Variants in SENP8 observed in about 807,000 individuals in gnomAD.
SENP8 encodes the protein SUMO peptidase family member, NEDD8 specific, also known as sentrin-specific protease 8.
SENP8 carries 10 observed loss-of-function variants against 14.4 expected under a neutral mutation model. The ratio of observed to expected loss-of-function variants is 0.69; its 90% confidence interval spans 0.43 to 1.18. SENP8 has a LOEUF of 1.18. Ranked by LOEUF, SENP8 falls within the 50% of genes most tolerant of loss-of-function variation. The pLI is 0.00. For synonymous variants in SENP8, 94 were observed against 95.5 expected (o/e 0.98, Z 0.09); for missense variants, 202 against 249.4 (o/e 0.81, Z 1.28).
At position 72,139,573 on chromosome 15, in the gene SENP8, C is replaced by T; in HGVS notation, c.-47-4C>T. 1.3e-6 allele frequency: 2 copies of T among 1,567,450 alleles called. No individual in the cohort carries two copies. The highest frequency in any genetic ancestry group is 1.7e-6 in the Non-Finnish European group (2 of 1,157,066). On this transcript the variant is annotated splice_region_variant and splice_polypyrimidine_tract_variant and intron_variant, in intron 1 of 1. Coordinates refer to ENST00000340912, the MANE Select transcript of SENP8 (RefSeq NM_145204.4). ...TATTTATTGACAATAATATTGTCTT[C>T]TAGCTCTTGTTCAGCTTCTGGAATT...
chr15:72,118,804 A>C (rs3809505), intron 1 of SENP8, among the ~76,000 whole-genome samples: 6,525 of 152,240 alleles, frequency 0.043, 254 homozygotes, highest in East Asian at 0.18. Flanking sequence ...TAGTACAATA[A>C]AGTGACAATA....
At chr15:72,135,304 C>T (rs559646896) in intron 1 of SENP8, 10 of 157,438 alleles carry the variant, frequency 6.4e-5, no homozygotes, top group Non-Finnish European at 1.3e-4. Context: ...TCAAGTGATC[C>T]GCCCACCTCA....
At chr15:72,134,247 A>G (rs2081305229) in intron 1 of SENP8, among the ~76,000 whole-genome samples, 1 of 152,148 alleles carries the variant, frequency 6.6e-6, no homozygotes, top group African/African-American at 2.4e-5. Context: ...TCTTTATTTT[A>G]TATTGACAAA....
chr15:72,143,478 T>A lies in SENP8; in HGVS notation c.*3216T>A, dbSNP rs2081392846. ...GGTGAATAGCAACAACTAACCTTTT[T>A]ATCACTCTGTAATGTGCAGGGTACT... On this transcript the variant is annotated 3_prime_UTR_variant, in exon 2 of 2. Transcript: ENST00000340912. 6.6e-6 allele frequency: 1 copy of A among 152,226 alleles called. No homozygotes were observed. The highest frequency in any genetic ancestry group is 2.4e-5 in the African/African-American group (1 of 41,460). The allele number at this position is 152,226 out of a possible 1,614,324, so 9.4% of individuals were successfully genotyped here.
At position 72,141,628 on chromosome 15, in the gene SENP8, G is replaced by C. The variant is rs189924657; in HGVS notation, c.*1366G>C. 2.6e-5 allele frequency: 4 copies of C among 152,114 alleles called. No individual in the cohort carries two copies. Among genetic ancestry groups the C allele is most frequent in the Admixed American group, 6.6e-5 (1 of 15,264 alleles). The allele number at this position is 152,114 out of a possible 1,614,324, so 9.4% of individuals were successfully genotyped here. ...GAAAGTAACTTGGTTCCTTTTAGCC[G>C]AGAAGGGAAAACACAGTAAGGGTAA... On this transcript the variant is annotated 3_prime_UTR_variant, in exon 2 of 2. Transcript: ENST00000340912.
chr15:72,139,690 C>T lies in SENP8; in HGVS notation c.67C>T (p.Pro23Ser), dbSNP rs369280193. 4.3e-6 allele frequency: 7 copies of T among 1,614,080 alleles called. No individual in the cohort carries two copies. The African/African-American group carries it at 9.3e-5, about 22-fold the overall frequency. The change falls in exon 2 of 2, where the codon CCG becomes TCG. Residue 23 changes from proline to serine, a missense_variant. Transcript: ENST00000340912. The stretch of plus-strand genomic sequence containing the variant: ...GCAATCAGATGTCTCACTATTGGAT[C>T]CGCCAAGCTGGCTCAATGACCATAT... Reference protein sequence around the residue: ...LRQSDVSLLDPPSWLNDHIIG... With the variant: ...LRQSDVSLLDSPSWLNDHIIG...
chr15:72,119,955 G>A (rs922004182), intron 1 of SENP8, among the ~76,000 whole-genome samples: 1 of 152,076 alleles, frequency 6.6e-6, no homozygotes, highest in Non-Finnish European at 1.5e-5. Flanking sequence ...GTTCCCTTCC[G>A]TCCAGGATTG....
rs138516875 is a variant in SENP8 at position 72,127,925 on chromosome 15, TA to T, written c.-48+9470del. On this transcript the variant is annotated intron_variant, in intron 1 of 1. Coordinates refer to ENST00000340912, the MANE Select transcript of SENP8 (RefSeq NM_145204.4). ...GCAACATAGTGAGACCCTGCCTCTATAAAAAAAAATATTAATTAGCCAGACA... is the reference window on the plus strand; with the variant it reads ...GCAACATAGTGAGACCCTGCCTCTATAAAAAAAATATTAATTAGCCAGACA... Among the ~76,000 whole-genome samples the T allele has an allele frequency of 3.3e-5, 5 of 149,636 alleles. 1 individual carries two copies. Among genetic ancestry groups the T allele is most frequent in the East Asian group, 3.9e-4 (2 of 5,130 alleles).
At chr15:72,116,372 T>C (rs1178018511), upstream of SENP8, among the ~76,000 whole-genome samples, 3 of 152,242 alleles carry the variant, frequency 2.0e-5, no homozygotes, top group Non-Finnish European at 4.4e-5. Flanking sequence ...GATCATTTGA[T>C]GCAACATTAC....
At chr15:72,131,582 CCTT>C (rs373959732) in intron 1 of SENP8, among the ~76,000 whole-genome samples, 45 of 152,134 alleles carry the variant, frequency 3.0e-4, no homozygotes, top group South Asian at 1.2e-3. Context: ...GAAGTAATCT[CCTT>C]CTATTAAAAT....
intron 1 of SENP8, among the ~76,000 whole-genome samples, chr15:72,132,730 A>G (rs935775870): frequency 9.6e-5 from 14 of 146,264 alleles, no homozygotes; most frequent in African/African-American, 3.1e-4. Flanking sequence ...GTCTCGGCTC[A>G]TTGCAACCTC....
intron 1 of SENP8, among the ~76,000 whole-genome samples, chr15:72,127,211 A>G (rs987470097): frequency 8.5e-5 from 13 of 152,144 alleles, no homozygotes; most frequent in Admixed American, 8.5e-4. Context: ...CTTGTTTTGG[A>G]GAGGGAAAGA....
rs1249286870 is a variant in SENP8, at chr15:72,142,527, C to T, written c.*2265C>T. On this transcript the variant is annotated 3_prime_UTR_variant, in exon 2 of 2. Coordinates refer to ENST00000340912, the MANE Select transcript of SENP8 (RefSeq NM_145204.4). Reference sequence around the variant, plus strand: ...GCAGGTTTTTCAAAACTGGGCTAAGCAATTATCAAACTGAACTAACCTGCT... The same window carrying T: ...GCAGGTTTTTCAAAACTGGGCTAAGTAATTATCAAACTGAACTAACCTGCT... The T allele has an allele frequency of 6.6e-6, 1 of 152,134 alleles. No homozygotes were observed. The highest frequency in any genetic ancestry group is 1.9e-4 in the East Asian group (1 of 5,202). The allele number at this position is 152,134 out of a possible 1,614,324, so 9.4% of individuals were successfully genotyped here. A position where few individuals can be genotyped will look rare whatever the true frequency, so the allele number is the denominator to read the frequency against.
chr15:72,128,507 C>T (rs184329825), intron 1 of SENP8, among the ~76,000 whole-genome samples: 1 of 152,356 alleles, frequency 6.6e-6, no homozygotes, highest in Admixed American at 6.5e-5. Context: ...TTGCCTGCCA[C>T]AGTTGCAAAA....
At chr15:72,132,531 T>G (rs1022611509) in intron 1 of SENP8, among the ~76,000 whole-genome samples, 6 of 152,160 alleles carry the variant, frequency 3.9e-5, no homozygotes, top group African/African-American at 1.4e-4. Flanking sequence ...CCTAAATGAT[T>G]ATAGATGGCT....
chr15:72,129,267 C>T (rs868011282), intron 1 of SENP8, among the ~76,000 whole-genome samples: 13 of 152,198 alleles, frequency 8.5e-5, no homozygotes, highest in South Asian at 4.1e-4. Context: ...AGGTAGCTCA[C>T]GCCTATCAAC....
At chr15:72,132,552 T>C (rs1465421555) in intron 1 of SENP8, among the ~76,000 whole-genome samples, 1 of 152,068 alleles carries the variant, frequency 6.6e-6, no homozygotes, top group African/African-American at 2.4e-5. Flanking sequence ...CTTGGTTTTT[T>C]GCTAGGTCCC....
chr15:72,118,997 C>T (rs1428839367), intron 1 of SENP8, among the ~76,000 whole-genome samples: 1 of 151,900 alleles, frequency 6.6e-6, no homozygotes, highest in Non-Finnish European at 1.5e-5. Context: ...GAATAACGGG[C>T]GCAAGAGCAT....
chr15:72,120,849 T>C (rs946670352), intron 1 of SENP8, among the ~76,000 whole-genome samples: 4 of 152,220 alleles, frequency 2.6e-5, no homozygotes, highest in Non-Finnish European at 5.9e-5. Context: ...AGAGTGCTAA[T>C]ATTGTAGTTT....
Sources: allele counts gnomAD v4.1 joint callset (sites outside exome capture counted in the v4.1 genomes callset), GRCh38; gene constraint gnomAD v4.1.1; transcripts MANE v1.5; gene names NCBI Gene and HGNC (gene_info 2026-07-23, HGNC 2026-07-21).